SLC25A26: variants seen among roughly 807,000 people sequenced by gnomAD.
SLC25A26 encodes solute carrier family 25 member 26, also known as mitochondrial S-adenosylmethionine carrier protein.
Under a neutral mutation model 37.8 loss-of-function variants are expected in SLC25A26, and 36 were observed. The ratio of observed to expected loss-of-function variants is 0.95; its 90% CI spans 0.73 to 1.26. SLC25A26 has a LOEUF of 1.26. Among genes scored for constraint, SLC25A26 ranks in the 50% most tolerant of loss-of-function variants. The pLI, the probability that SLC25A26 is intolerant of heterozygous loss-of-function variation, is 0.00. For synonymous variants in SLC25A26, 129 were observed against 122.5 expected, an observed-to-expected ratio of 1.05 and a Z score of -0.35; for missense variants, 390 against 331.1, an observed-to-expected ratio of 1.18 and a Z score of -1.38.
At chr3:66,327,910 A>G (rs2075878505) in intron 5 of SLC25A26, among the ~76,000 whole-genome samples, 1 of 150,554 alleles carries the variant, frequency 6.6e-6, no homozygotes, top group South Asian at 2.1e-4. Flanking sequence ...CACTTTAATG[A>G]AGATACAAAA....
chr3:66,264,676 C>A (rs1222874788), intron 5 of SLC25A26, among the ~76,000 whole-genome samples: 1 of 152,184 alleles, frequency 6.6e-6, no homozygotes. Flanking sequence ...CCACCCACCC[C>A]ACCACTGGTC....
chr3:66,160,503 A>G (rs958618748), intron 1 of SLC25A26, among the ~76,000 whole-genome samples: 10 of 152,250 alleles, frequency 6.6e-5, no homozygotes, highest in African/African-American at 2.2e-4. Context: ...TGAATGTGTG[A>G]AGGGGATGCA....
At chr3:66,281,925 C>G (rs553394470) in intron 5 of SLC25A26, among the ~76,000 whole-genome samples, 2 of 148,640 alleles carry the variant, frequency 1.3e-5, no homozygotes, top group East Asian at 3.9e-4. Context: ...CAGGTTCAAG[C>G]GATTTTCCTG....
intron 1 of SLC25A26, among the ~76,000 whole-genome samples, chr3:66,215,658 A>G (rs2071349880): frequency 2.0e-5 from 3 of 152,234 alleles, no homozygotes; most frequent in African/African-American, 7.2e-5. Flanking sequence ...ATAAAGCCAT[A>G]TGACTGGTAC....
intron 5 of SLC25A26, among the ~76,000 whole-genome samples, chr3:66,290,042 T>TA (rs1237736289): frequency 6.6e-6 from 1 of 152,092 alleles, no homozygotes; most frequent in African/African-American, 2.4e-5. Context: ...ACATCTGTTG[T>TA]AAGTTGTAGT....
At chr3:66,283,570 C>T (rs915733836) in intron 5 of SLC25A26, among the ~76,000 whole-genome samples, 6 of 152,136 alleles carry the variant, frequency 3.9e-5, no homozygotes, top group African/African-American at 9.7e-5. Context: ...GGCCACTGTG[C>T]CTGGCCCAAA....
intron 6 of SLC25A26, among the ~76,000 whole-genome samples, chr3:66,349,421 C>T (rs532731025): frequency 6.8e-4 from 104 of 152,040 alleles, no homozygotes; most frequent in Non-Finnish European, 1.2e-3. Context: ...GTAGTCTTCT[C>T]TTTTCCAGAA....
intron 6 of SLC25A26, among the ~76,000 whole-genome samples, chr3:66,357,703 C>T (rs545160885): frequency 2.0e-5 from 3 of 151,036 alleles, no homozygotes; most frequent in Admixed American, 1.3e-4. Flanking sequence ...AGAAAATTTT[C>T]GGCAGATTCT....
chr3:66,198,661 C>A (rs1003468094), intron 1 of SLC25A26, among the ~76,000 whole-genome samples: 1 of 151,764 alleles, frequency 6.6e-6, no homozygotes, highest in Non-Finnish European at 1.5e-5. Flanking sequence ...ATCCTAACTC[C>A]GGCACTCACT....
intron 5 of SLC25A26, among the ~76,000 whole-genome samples, chr3:66,288,422 C>T (rs933682185): frequency 6.6e-6 from 1 of 152,040 alleles, no homozygotes; most frequent in Non-Finnish European, 1.5e-5. Flanking sequence ...TTGCTGCAAC[C>T]ATCAACCCGT....
chr3:66,238,280 A>G (rs536905926), intron 2 of SLC25A26, among the ~76,000 whole-genome samples: 2 of 79,062 alleles, frequency 2.5e-5, no homozygotes, highest in Non-Finnish European at 4.6e-5. Context: ...AAACTTAACT[A>G]CTGATAGCCT....
At chr3:66,327,067 CT>C (rs2075856490) in intron 5 of SLC25A26, among the ~76,000 whole-genome samples, 1 of 152,202 alleles carries the variant, frequency 6.6e-6, no homozygotes, top group Non-Finnish European at 1.5e-5. Context: ...CACTACCCCC[CT>C]AAAATAGAAT....
At chr3:66,162,071 G>A (rs2070367152) in intron 1 of SLC25A26, among the ~76,000 whole-genome samples, 1 of 152,172 alleles carries the variant, frequency 6.6e-6, no homozygotes, top group East Asian at 1.9e-4. Flanking sequence ...CTAGAAGTCG[G>A]AGATCAAGAC....
intron 5 of SLC25A26, among the ~76,000 whole-genome samples, chr3:66,343,798 A>G (rs911666983): frequency 2.0e-5 from 3 of 152,246 alleles, no homozygotes; most frequent in Non-Finnish European, 2.9e-5. Flanking sequence ...ATTACATATT[A>G]TAAAGTTTAA....
intron 1 of SLC25A26, among the ~76,000 whole-genome samples, chr3:66,164,891 T>G (rs2070405271): frequency 6.6e-6 from 1 of 152,092 alleles, no homozygotes; most frequent in African/African-American, 2.4e-5. Flanking sequence ...GAATGGTAAT[T>G]ATAACGCAGT....
intron 3 of SLC25A26, among the ~76,000 whole-genome samples, chr3:66,260,236 G>A (rs1226103464): frequency 6.6e-6 from 1 of 151,964 alleles, no homozygotes; most frequent in Non-Finnish European, 1.5e-5. Context: ...TTATTTATAT[G>A]TATTTGCGGG....
intron 1 of SLC25A26, among the ~76,000 whole-genome samples, chr3:66,160,789 G>T (rs1011838068): frequency 1.3e-5 from 2 of 152,030 alleles, no homozygotes; most frequent in African/African-American, 4.8e-5. Context: ...ACAAAAATTA[G>T]CTGGATGTGG....
At chr3:66,365,743 CA>C (rs1381674962) in intron 7 of SLC25A26, among the ~76,000 whole-genome samples, 1 of 152,088 alleles carries the variant, frequency 6.6e-6, no homozygotes, top group Non-Finnish European at 1.5e-5. Flanking sequence ...AAAATACAAA[CA>C]AAAAACACTT....
intron 1 of SLC25A26, among the ~76,000 whole-genome samples, chr3:66,209,939 T>C (rs1326653450): frequency 1.1e-5 from 1 of 87,398 alleles, no homozygotes; most frequent in African/African-American, 4.8e-5. Flanking sequence ...TATATATATA[T>C]ATATATATGC....
Sources: gnomAD v4.1 joint callset for allele counts (sites outside exome capture counted in the v4.1 genomes callset) on GRCh38, gnomAD v4.1.1 for gene constraint, MANE v1.5 for transcripts, NCBI Gene and HGNC (gene_info 2026-07-23, HGNC 2026-07-21) for gene names.